Variants in IL16 observed in about 807,000 individuals in gnomAD.
IL16 encodes interleukin 16.
In IL16, 67 loss-of-function variants were observed where a neutral mutation model predicts 110.1. The observed-to-expected ratio is 0.61, with a 90% CI of 0.50 to 0.75. IL16 has a LOEUF of 0.75. IL16 is among the 30% of genes least tolerant of loss of function. The pLI is 0.00. For synonymous variants in IL16, 689 were observed against 662.9 expected (o/e 1.04, Z -0.61); for missense variants, 1,545 against 1,655.0 (o/e 0.93, Z 1.15).
intron 9 of IL16, among the ~76,000 whole-genome samples, chr15:81,283,101 G>A (rs1375464324): frequency 6.6e-6 from 1 of 152,194 alleles, no homozygotes; most frequent in Non-Finnish European, 1.5e-5. Context: ...TTTGTTCTCA[G>A]CTCCCACAGC....
At chr15:81,241,418 A>G (rs1298936017) in intron 2 of IL16, among the ~76,000 whole-genome samples, 1 of 152,102 alleles carries the variant, frequency 6.6e-6, no homozygotes, top group Non-Finnish European at 1.5e-5. Flanking sequence ...TTTAATAGAC[A>G]TGATATATTG....
At position 81,285,788 on chromosome 15, in the gene IL16, C is replaced by A; in HGVS notation, c.1290C>A (p.Pro430=). ...ACACGATCCTGAGTCACTGTGATCC[C>A]GGTCCAGTCCCCATCATTGTTAGCC... ...EVYTILSHCD[P]GPVPIIVSRH... The change falls in exon 10 of 19, where the codon CCC becomes CCA. Residue 430 remains proline, a synonymous_variant. Coordinates refer to ENST00000683961, the MANE Select transcript of IL16 (RefSeq NM_172217.5). 1 of 1,614,134 alleles carries A rather than the reference C, an allele frequency of 6.2e-7. No homozygotes were observed. Among genetic ancestry groups the A allele is most frequent in the African/African-American group, 1.3e-5 (1 of 75,032 alleles).
chr15:81,230,084 G>A (rs1028321538), intron 2 of IL16, among the ~76,000 whole-genome samples: 2 of 152,160 alleles, frequency 1.3e-5, no homozygotes, highest in Non-Finnish European at 2.9e-5. Flanking sequence ...AACTAATTAA[G>A]CATTTGAATC....
chr15:81,264,419 G>T (rs1031390668), intron 3 of IL16, among the ~76,000 whole-genome samples: 15 of 152,110 alleles, frequency 9.9e-5, no homozygotes, highest in African/African-American at 3.6e-4. Flanking sequence ...CACCCTCAGA[G>T]ATACCACTCC....
At position 81,197,149 on chromosome 15, in the gene IL16, C is replaced by T. The variant is rs1331075828; in HGVS notation, c.-105C>T. On this transcript the variant is annotated 5_prime_UTR_variant, in exon 1 of 19. Coordinates refer to ENST00000683961, the MANE Select transcript of IL16 (RefSeq NM_172217.5). ...CTGTGCATAGGGAGGTAGGTGGGCACCAGGTGAGTGAATGTCTGTCAGGCA... is the reference window on the plus strand; with the variant it reads ...CTGTGCATAGGGAGGTAGGTGGGCATCAGGTGAGTGAATGTCTGTCAGGCA... 7.8e-7 allele frequency: 1 copy of T among 1,287,540 alleles called. No homozygotes were observed. Among genetic ancestry groups the T allele is most frequent in the South Asian group, 1.2e-5 (1 of 80,640 alleles). 79.8% of individuals were successfully genotyped at this position (1,287,540 alleles called of 1,614,324 possible).
intron 2 of IL16, among the ~76,000 whole-genome samples, chr15:81,226,813 G>C (rs1166056606): frequency 1.3e-5 from 2 of 152,114 alleles, no homozygotes; most frequent in Non-Finnish European, 2.9e-5. Context: ...CAGGCTCCCA[G>C]GCTGCCATTA....
intron 6 of IL16, among the ~76,000 whole-genome samples, chr15:81,275,372 GAGGGGA>G (rs1898861415): frequency 1.9e-5 from 1 of 53,730 alleles, no homozygotes; most frequent in Admixed American, 1.5e-4. Flanking sequence ...GGGGGGAGGG[GAGGGGA>G]GGGGAGGGGA....
At position 81,209,853 on chromosome 15, in the gene IL16, TA is replaced by T. The variant is rs1896172947; in HGVS notation, c.-102+12702del. 1.1e-4 allele frequency among the ~76,000 whole-genome samples: 17 copies of T among 152,324 alleles called. No individual in the cohort carries two copies. In the South Asian group the frequency reaches 3.5e-3, roughly 32 times the overall value. On this transcript the variant is annotated intron_variant, in intron 1 of 18. Coordinates refer to ENST00000683961, the MANE Select transcript of IL16 (RefSeq NM_172217.5). ...CTGCAGGCTCCAGCAATGCCATGGT[TA>T]CACTGATTTCAAAACAACATCTGGA...
intron 1 of IL16, among the ~76,000 whole-genome samples, chr15:81,188,026 G>A (rs1021067474): frequency 2.6e-5 from 4 of 152,146 alleles, no homozygotes; most frequent in African/African-American, 9.7e-5. Flanking sequence ...ACTGTATTGA[G>A]GCTTTGTATG....
intron 6 of IL16, among the ~76,000 whole-genome samples, chr15:81,275,723 A>G (rs546450793): frequency 2.6e-5 from 4 of 152,348 alleles, no homozygotes; most frequent in Admixed American, 2.0e-4. Flanking sequence ...CAGCTAGTAT[A>G]TGATCCCTGA....
At chr15:81,261,101 C>G (rs553199028) in intron 3 of IL16, among the ~76,000 whole-genome samples, 1 of 152,244 alleles carries the variant, frequency 6.6e-6, no homozygotes, top group Non-Finnish European at 1.5e-5. Context: ...TTCCCTTTCT[C>G]CCTCACCCAT....
intron 9 of IL16, 125 bp from the exon 10 acceptor site, chr15:81,285,573 C>A: frequency 9.9e-7 from 1 of 1,006,170 alleles, no homozygotes; most frequent in Non-Finnish European, 1.5e-6. Context: ...CTAGTGGGGT[C>A]TACTTATTCA....
chr15:81,280,911 G>A (rs1374086756), intron 8 of IL16, among the ~76,000 whole-genome samples: 1 of 152,164 alleles, frequency 6.6e-6, no homozygotes, highest in Non-Finnish European at 1.5e-5. Flanking sequence ...TTGGAGTGGT[G>A]TTTCCTCTGA....
At chr15:81,280,128 G>A (rs1353515314) in intron 8 of IL16, among the ~76,000 whole-genome samples, 1 of 152,170 alleles carries the variant, frequency 6.6e-6, no homozygotes, top group African/African-American at 2.4e-5. Context: ...CCTTCCCTGG[G>A]CCTCAGTTTC....
chr15:81,306,672 G>A, intron 18 of IL16, 127 bp downstream of exon 18: 1 of 1,185,518 alleles, frequency 8.4e-7, no homozygotes, highest in East Asian at 2.3e-5. Flanking sequence ...TCATAGGCAT[G>A]CTGGTCCTTT....
chr15:81,215,692 CT>C (rs1896400935), intron 1 of IL16, among the ~76,000 whole-genome samples: 1 of 152,182 alleles, frequency 6.6e-6, no homozygotes, highest in Admixed American at 6.5e-5. Context: ...TGGATTGACC[CT>C]GTGGAGGGAG....
intron 13 of IL16, among the ~76,000 whole-genome samples, chr15:81,297,286 G>A (rs1255701645): frequency 6.6e-6 from 1 of 152,084 alleles, no homozygotes; most frequent in East Asian, 1.9e-4. Flanking sequence ...GGGTGGACGG[G>A]TGATGCTGTG....
chr15:81,288,854 T>C (rs867111152), intron 10 of IL16, among the ~76,000 whole-genome samples: 2 of 152,146 alleles, frequency 1.3e-5, no homozygotes, highest in African/African-American at 4.8e-5. Flanking sequence ...TGTGTGCGTG[T>C]GTGTGTATCA....
At chr15:81,282,402 C>T (rs8025180) in intron 8 of IL16, among the ~76,000 whole-genome samples, 40,173 of 152,184 alleles carry the variant, frequency 0.26, 6,201 homozygotes, top group African/African-American at 0.43. Flanking sequence ...CTCCTTCCCT[C>T]CTTCCCTTCC....
Sources: allele counts gnomAD v4.1 joint callset (sites outside exome capture counted in the v4.1 genomes callset), GRCh38; gene constraint gnomAD v4.1.1; transcripts MANE v1.5; gene names NCBI Gene and HGNC (gene_info 2026-07-23, HGNC 2026-07-21).